The following GAS2 variants were observed in gnomAD, a reference collection of about 807,000 sequenced individuals.
The protein encoded by GAS2 is growth arrest-specific protein 2.
Under a neutral mutation model 37.5 loss-of-function variants are expected in GAS2, and 20 were observed. The ratio of observed to expected loss-of-function variants is 0.53; its 90% confidence interval spans 0.37 to 0.77. GAS2 has a LOEUF of 0.77. Among genes scored for constraint, GAS2 ranks in the 30% least tolerant of loss-of-function variants. GAS2 has a pLI of 0.00. For synonymous variants in GAS2, 144 were observed against 132.2 expected (o/e 1.09, Z -0.61); for missense variants, 336 against 373.4 (o/e 0.90, Z 0.82).
At chr11:22,788,157 T>C (rs1456043355) in intron 7 of GAS2, among the ~76,000 whole-genome samples, 2 of 152,206 alleles carry the variant, frequency 1.3e-5, no homozygotes, top group East Asian at 1.9e-4. Context: ...AAATGTTATA[T>C]TGTGAGTCTT....
intron 1 of GAS2, among the ~76,000 whole-genome samples, chr11:22,636,953 G>A (rs1220675960): frequency 2.9e-5 from 4 of 137,006 alleles, no homozygotes; most frequent in African/African-American, 5.4e-5. Context: ...ATAATAAATT[G>A]TTACTATTAA....
intron 7 of GAS2, among the ~76,000 whole-genome samples, chr11:22,800,332 A>G (rs540323087): frequency 6.6e-6 from 1 of 152,046 alleles, no homozygotes; most frequent in South Asian, 2.1e-4. Context: ...TACCCCTACT[A>G]CTTTCCCAGG....
intron 3 of GAS2, among the ~76,000 whole-genome samples, chr11:22,714,196 T>C (rs1261284267): frequency 2.0e-5 from 3 of 151,740 alleles, no homozygotes; most frequent in African/African-American, 7.3e-5. Flanking sequence ...TCCATGCAAA[T>C]GGAAACCAAA....
At chr11:22,649,048 T>C (rs907387440) in intron 1 of GAS2, among the ~76,000 whole-genome samples, 82 of 152,346 alleles carry the variant, frequency 5.4e-4, no homozygotes, top group African/African-American at 1.8e-3. Flanking sequence ...ATATTGGCTG[T>C]GGGTTTGTCA....
chr11:22,738,280 A>G (rs1852860737), intron 5 of GAS2, among the ~76,000 whole-genome samples: 1 of 152,230 alleles, frequency 6.6e-6, no homozygotes, highest in Non-Finnish European at 1.5e-5. Context: ...AAGACATAGA[A>G]TGTTATCCTT....
chr11:22,670,103 G>A (rs1355896838), intron 1 of GAS2, among the ~76,000 whole-genome samples: 1 of 152,122 alleles, frequency 6.6e-6, no homozygotes, highest in Non-Finnish European at 1.5e-5. Context: ...TCGATTTGGA[G>A]CACTGTTTAT....
At position 22,808,234 on chromosome 11, in the gene GAS2, G is replaced by T. The variant is rs575061768; in HGVS notation, c.724-3564G>T. ...ATCAAAGGAACCTTCACATGATAAA[G>T]CTAGACTTTGGAGATAGATGTTATT... On this transcript the variant is annotated intron_variant, in intron 7 of 7. Coordinates refer to ENST00000454584, the MANE Select transcript of GAS2 (RefSeq NM_001143830.3). Among the ~76,000 whole-genome samples the T allele has an allele frequency of 1.6e-4, 24 of 152,292 alleles. No individual in the cohort carries two copies. The South Asian group carries it at 4.8e-3, about 30-fold the overall frequency.
At chr11:22,661,266 C>A (rs918349076) in intron 1 of GAS2, among the ~76,000 whole-genome samples, 1 of 152,182 alleles carries the variant, frequency 6.6e-6, no homozygotes, top group African/African-American at 2.4e-5. Context: ...CTTGCTGAAT[C>A]CCGTCTATCA....
At chr11:22,663,305 T>C (rs543738992), upstream of GAS2, among the ~76,000 whole-genome samples, 1 of 152,164 alleles carries the variant, frequency 6.6e-6, no homozygotes, top group African/African-American at 2.4e-5. Flanking sequence ...TGGTGCTCAC[T>C]TGTGGTCCCA....
rs542793336 is a variant in GAS2, at chr11:22,712,311, A to G, written c.268-13981A>G. The stretch of plus-strand genomic sequence containing the variant: ...ACAGAGTCCACTTTACTCCCCTGCC[A>G]TCTCCGCCAGAGCAGGTTCCGGCAT... On this transcript the variant is annotated intron_variant, in intron 3 of 7. Transcript: ENST00000454584. Among the ~76,000 whole-genome samples the G allele has an allele frequency of 3.9e-5, 6 of 152,280 alleles. No homozygotes were observed. In the South Asian group the frequency reaches 1.2e-3, roughly 32 times the overall value.
chr11:22,717,282 A>G (rs1851728669), intron 3 of GAS2, among the ~76,000 whole-genome samples: 1 of 152,208 alleles, frequency 6.6e-6, no homozygotes, highest in African/African-American at 2.4e-5. Flanking sequence ...ACAGTATGGT[A>G]TGATATAAAA....
intron 1 of GAS2, among the ~76,000 whole-genome samples, chr11:22,674,573 A>G (rs1849341515): frequency 6.6e-6 from 1 of 152,228 alleles, no homozygotes; most frequent in African/African-American, 2.4e-5. Context: ...CTTGCTTAGA[A>G]GCTGGCTCTT....
intron 7 of GAS2, among the ~76,000 whole-genome samples, chr11:22,765,259 A>G (rs1204738787): frequency 6.6e-6 from 1 of 152,212 alleles, no homozygotes; most frequent in African/African-American, 2.4e-5. Context: ...TACAAAAAAT[A>G]TATACAGAAA....
At chr11:22,763,314 A>G (rs1854496028) in intron 7 of GAS2, among the ~76,000 whole-genome samples, 3 of 152,150 alleles carry the variant, frequency 2.0e-5, no homozygotes, top group Admixed American at 2.0e-4. Flanking sequence ...CTCTGTTGCT[A>G]TAGCAACTGA....
chr11:22,792,635 C>T (rs1171109425), intron 7 of GAS2, among the ~76,000 whole-genome samples: 3 of 152,162 alleles, frequency 2.0e-5, no homozygotes, highest in Non-Finnish European at 4.4e-5. Flanking sequence ...GTTCCTAGGG[C>T]ATTCGTTATG....
At position 22,685,446 on chromosome 11, in the gene GAS2, A is replaced by G. The variant is rs182160272; in HGVS notation, c.146-222A>G. Among the ~76,000 whole-genome samples, 8 of 152,296 alleles carry G rather than the reference A, an allele frequency of 5.3e-5. No individual in the cohort carries two copies. The East Asian group carries it at 1.5e-3, about 29-fold the overall frequency. ...ACCTTTTATTTGAAATAAAACTGTT[A>G]TGCAGTTAGCACTATGTTATGAAAA... On this transcript the variant is annotated intron_variant, in intron 2 of 7. Transcript: ENST00000454584.
chr11:22,724,357 G>A (rs1046176189), intron 3 of GAS2, among the ~76,000 whole-genome samples: 1 of 151,816 alleles, frequency 6.6e-6, no homozygotes, highest in Admixed American at 6.6e-5. Flanking sequence ...CTCTCTTGAT[G>A]TATTTTTGTT....
Position 22,646,120 on chromosome 11 carries a change from G to T in GAS2, c.-21+20307G>T, listed in dbSNP as rs185541287. ...GGCCTCCTGAAGTGCTGAGATTACA[G>T]GCGTCATTATTTACTGAGAAAAAAC... On this transcript the variant is annotated intron_variant, in intron 1 of 5. Coordinates refer to the GAS2 transcript ENST00000528582. Among the ~76,000 whole-genome samples the T allele has an allele frequency of 1.2e-3, 177 of 152,092 alleles. 2 individuals are homozygous for T. Among genetic ancestry groups the T allele is most frequent in the Middle Eastern group, 6.8e-3 (2 of 294 alleles).
chr11:22,798,352 T>A (rs972105025), intron 7 of GAS2, among the ~76,000 whole-genome samples: 4 of 151,990 alleles, frequency 2.6e-5, no homozygotes, highest in African/African-American at 9.7e-5. Flanking sequence ...TGAACAACTA[T>A]GGGAGGAAGG....
Sources: allele counts gnomAD v4.1 joint callset (sites outside exome capture counted in the v4.1 genomes callset), GRCh38; gene constraint gnomAD v4.1.1; transcripts MANE v1.5; gene names NCBI Gene and HGNC (gene_info 2026-07-23, HGNC 2026-07-21).